GABBR2: variants seen among roughly 807,000 people sequenced by gnomAD.
GABBR2 encodes the protein G-protein coupled receptor 51.
A neutral mutation model predicts 105.6 loss-of-function variants in GABBR2; 23 were observed. The ratio of observed to expected loss-of-function variants is 0.22; its 90% CI spans 0.16 to 0.31. The LOEUF is 0.31. GABBR2 is among the 10% of genes least tolerant of loss of function. The pLI is 1.00. For synonymous variants in GABBR2, 478 were observed against 499.7 expected, an observed-to-expected ratio of 0.96 and a Z score of 0.58; for missense variants, 734 against 1,245.5, an observed-to-expected ratio of 0.59 and a Z score of 6.18.
chr9:98,337,283 T>C (rs1831133542), intron 13 of GABBR2, among the ~76,000 whole-genome samples: 1 of 152,016 alleles, frequency 6.6e-6, no homozygotes. Flanking sequence ...CCCGCCTGGG[T>C]GACAGAGTGA....
intron 6 of GABBR2, among the ~76,000 whole-genome samples, chr9:98,458,149 T>C (rs1480284164): frequency 1.3e-5 from 2 of 152,038 alleles, no homozygotes; most frequent in Non-Finnish European, 2.9e-5. Flanking sequence ...ACCTTATGAG[T>C]CTGTCATCCC....
intron 11 of GABBR2, among the ~76,000 whole-genome samples, chr9:98,382,682 A>C (rs1832000177): frequency 1.3e-5 from 2 of 152,198 alleles, no homozygotes; most frequent in Admixed American, 6.5e-5. Context: ...CTAAGCACAG[A>C]TGGAAGAGAG....
intron 2 of GABBR2, among the ~76,000 whole-genome samples, chr9:98,565,381 A>G (rs1828738098): frequency 6.6e-6 from 1 of 152,206 alleles, no homozygotes; most frequent in Non-Finnish European, 1.5e-5. Context: ...CAGGGAAATC[A>G]CATGCAGAGG....
At chr9:98,445,475 G>T (rs1214791658) in intron 7 of GABBR2, among the ~76,000 whole-genome samples, 1 of 152,192 alleles carries the variant, frequency 6.6e-6, no homozygotes, top group African/African-American at 2.4e-5. Flanking sequence ...TCTTAGATGG[G>T]GTCCTCCAGA....
chr9:98,682,485 C>T (rs1363372149), intron 1 of GABBR2, among the ~76,000 whole-genome samples: 4 of 145,246 alleles, frequency 2.8e-5, no homozygotes, highest in East Asian at 2.1e-4. Flanking sequence ...AAGCAATTCT[C>T]GTGCCTCAGC....
chr9:98,341,246 C>G (rs965843770), intron 13 of GABBR2, among the ~76,000 whole-genome samples: 6 of 152,220 alleles, frequency 3.9e-5, no homozygotes, highest in Non-Finnish European at 8.8e-5. Flanking sequence ...TACACTGGGC[C>G]CAGACACATC....
intron 7 of GABBR2, among the ~76,000 whole-genome samples, chr9:98,432,458 G>T (rs2131575109): frequency 6.6e-6 from 1 of 152,280 alleles, no homozygotes; most frequent in South Asian, 2.1e-4. Context: ...CACTGAGGTG[G>T]GTGGGAAGGT....
In GABBR2 at chr9:98,509,440, GAGA is replaced by G. The variant is rs1358804313; in HGVS notation, c.631-12929_631-12927del. Among the ~76,000 whole-genome samples, 8 of 152,308 alleles carry G rather than the reference GAGA, an allele frequency of 5.3e-5. No homozygotes were observed. In the South Asian group the frequency reaches 1.2e-3, roughly 24 times the overall value. On this transcript the variant is annotated intron_variant, in intron 3 of 18. Coordinates refer to ENST00000259455, the MANE Select transcript of GABBR2 (RefSeq NM_005458.8). The stretch of plus-strand genomic sequence containing the variant: ...ATGGAGAATGACTTTGACGAGTTGA[GAGA>G]AGAAGACTTCAGATGATCAAACTAC...
chr9:98,386,795 A>G (rs1166622166), intron 10 of GABBR2, among the ~76,000 whole-genome samples: 2 of 152,208 alleles, frequency 1.3e-5, no homozygotes, highest in African/African-American at 4.8e-5. Flanking sequence ...TAAACATGCA[A>G]TACGTCAAAG....
chr9:98,395,547 C>A (rs989884936), intron 8 of GABBR2, among the ~76,000 whole-genome samples: 1 of 151,846 alleles, frequency 6.6e-6, no homozygotes, highest in Admixed American at 6.6e-5. Flanking sequence ...GAGCCCTGAC[C>A]CCTGGGGTGG....
intron 7 of GABBR2, among the ~76,000 whole-genome samples, chr9:98,440,023 CCT>C (rs2131585706): frequency 6.6e-6 from 1 of 152,290 alleles, no homozygotes; most frequent in Non-Finnish European, 1.5e-5. Context: ...AAGGTCCCAG[CCT>C]ACTTCCTTAC....
intron 1 of GABBR2, among the ~76,000 whole-genome samples, chr9:98,601,076 T>G (rs541913182): frequency 7.9e-5 from 12 of 152,354 alleles, no homozygotes; most frequent in Non-Finnish European, 5.9e-5. Context: ...ACTTCCACCC[T>G]GTGCCCCACT....
chr9:98,396,808 C>T (rs1832300517), intron 8 of GABBR2, among the ~76,000 whole-genome samples: 1 of 152,192 alleles, frequency 6.6e-6, no homozygotes, highest in South Asian at 2.1e-4. Context: ...GGCCACACAG[C>T]CTGCCCCTCT....
chr9:98,660,185 C>T (rs1328578754), intron 1 of GABBR2, among the ~76,000 whole-genome samples: 1 of 152,142 alleles, frequency 6.6e-6, no homozygotes, highest in East Asian at 1.9e-4. Flanking sequence ...CCACTTTTCA[C>T]TATAATAGAT....
At chr9:98,577,271 T>C (rs1828933284) in intron 2 of GABBR2, among the ~76,000 whole-genome samples, 1 of 37,698 alleles carries the variant, frequency 2.7e-5, no homozygotes, top group Admixed American at 2.8e-4. Flanking sequence ...TCACCCCTGG[T>C]GGTCATATAG....
chr9:98,578,918 G>A (rs1261404984), intron 1 of GABBR2, among the ~76,000 whole-genome samples: 2 of 152,182 alleles, frequency 1.3e-5, no homozygotes, highest in Non-Finnish European at 2.9e-5. Context: ...TAAATTCATA[G>A]AGAAAGAAAG....
chr9:98,293,855 G>C lies in GABBR2; in HGVS notation c.2590C>G (p.Leu864Val). Reference sequence around the variant, plus strand: ...GAGGGCTCTGTTGTGTTCCACTGTAGCTGGGGATTTTGATCGAGGTGATTT... The same window carrying C: ...GAGGGCTCTGTTGTGTTCCACTGTACCTGGGGATTTTGATCGAGGTGATTT... ...LKNHLDQNPQ[L>V]QWNTTEPSRT... Residue 864 changes from leucine to valine, a missense_variant, in exon 18 of 19, where the codon CTA (leucine) becomes GTA (valine). Transcript: ENST00000259455. 2 of 1,613,088 alleles carry C rather than the reference G, an allele frequency of 1.2e-6. No individual in the cohort carries two copies. The highest frequency in any genetic ancestry group is 1.7e-6 in the Non-Finnish European group (2 of 1,179,078).
At chr9:98,653,989 A>G (rs980798867) in intron 1 of GABBR2, among the ~76,000 whole-genome samples, 2 of 152,208 alleles carry the variant, frequency 1.3e-5, no homozygotes, top group Non-Finnish European at 2.9e-5. Flanking sequence ...AGATTAAGTG[A>G]CTTGCTCAAT....
In GABBR2 at chr9:98,496,509, C is replaced by G. The variant is rs267602050; in HGVS notation, c.636G>C (p.Arg212=). The change falls in exon 4 of 19, where the codon CGG becomes CGC. Residue 212 remains arginine (R), a synonymous_variant. Transcript: ENST00000259455. ...TQDVQRFSEV[R]NDLTGVLYGE... ...CATACAGAACTCCAGTCAGGTCATT[C>G]CGCACCTGTCAGCAAAGAGAAAGCA... is the stretch of plus-strand genomic sequence containing the variant. 6.2e-7 allele frequency: 1 copy of G among 1,608,808 alleles called. No individual in the cohort carries two copies. The highest frequency in any genetic ancestry group is 1.1e-5 in the South Asian group (1 of 90,946).
Sources: gnomAD v4.1 joint callset for allele counts (sites outside exome capture counted in the v4.1 genomes callset) on GRCh38, gnomAD v4.1.1 for gene constraint, MANE v1.5 for transcripts, NCBI Gene and HGNC (gene_info 2026-07-23, HGNC 2026-07-21) for gene names.